The following VRK2 variants were observed in gnomAD, a reference collection of about 807,000 sequenced individuals.
The protein encoded by VRK2 is VRK serine/threonine kinase 2.
A neutral mutation model predicts 57.6 loss-of-function variants in VRK2; 60 were observed. The ratio of observed to expected loss-of-function variants is 1.04; its 90% CI spans 0.85 to 1.29. The LOEUF is 1.29. Among genes scored for constraint, VRK2 ranks in the 50% most tolerant of loss-of-function variants. The probability of loss-of-function intolerance (pLI) is 0.00; values close to 1 mark genes in which losing one functional copy is unlikely to be tolerated. For missense variants in VRK2, 705 were observed against 588.1 expected (o/e 1.20, Z -2.06); for synonymous variants, 231 against 199.2 (o/e 1.16, Z -1.35).
chr2:58,130,171 T>C (rs559512090), intron 8 of VRK2, among the ~76,000 whole-genome samples: 1 of 152,266 alleles, frequency 6.6e-6, no homozygotes, highest in South Asian at 2.1e-4. Flanking sequence ...TGATTATTTT[T>C]CCTCAAAGGG....
At chr2:58,060,069 C>G (rs115444938) in intron 2 of VRK2, among the ~76,000 whole-genome samples, 1 of 151,566 alleles carries the variant, frequency 6.6e-6, no homozygotes, top group African/African-American at 2.4e-5. Flanking sequence ...TTATGTAAAC[C>G]TTTTATCTTA....
At chr2:58,046,571 G>GTGGA, upstream of VRK2, 1 of 985,618 alleles carries the variant, frequency 1.0e-6, no homozygotes. Context: ...GCGGGCCAGG[G>GTGGA]TGGAGGTAGT....
intron 1 of VRK2, among the ~76,000 whole-genome samples, chr2:57,929,346 G>A (rs1255494677): frequency 6.6e-6 from 1 of 152,142 alleles, no homozygotes; most frequent in African/African-American, 2.4e-5. Flanking sequence ...ACTGCCTTAG[G>A]CCTATGGTGA....
At chr2:58,089,372 G>T (rs1672059744) in intron 6 of VRK2, among the ~76,000 whole-genome samples, 1 of 152,142 alleles carries the variant, frequency 6.6e-6, no homozygotes, top group African/African-American at 2.4e-5. Flanking sequence ...CAGGAATTAG[G>T]CATAAGCATT....
chr2:58,003,521 T>A (rs1056689701), intron 1 of VRK2, among the ~76,000 whole-genome samples: 1 of 152,158 alleles, frequency 6.6e-6, no homozygotes, highest in African/African-American at 2.4e-5. Context: ...AAATATAAGA[T>A]GCACAGTTAA....
chr2:57,937,339 A>G (rs569337748), intron 1 of VRK2, among the ~76,000 whole-genome samples: 1 of 152,286 alleles, frequency 6.6e-6, no homozygotes, highest in Admixed American at 6.5e-5. Context: ...CAATAATCCC[A>G]CTTTTCTTTC....
intron 1 of VRK2, among the ~76,000 whole-genome samples, chr2:57,949,322 T>G (rs1671354782): frequency 6.6e-6 from 1 of 152,192 alleles, no homozygotes; most frequent in Non-Finnish European, 1.5e-5. Flanking sequence ...GTGGCAACCC[T>G]GCATCGAGTA....
intron 7 of VRK2, among the ~76,000 whole-genome samples, chr2:58,109,645 C>G (rs1160894068): frequency 6.6e-6 from 1 of 152,170 alleles, no homozygotes; most frequent in East Asian, 1.9e-4. Flanking sequence ...GGAGAATTCA[C>G]TCACTATCAC....
chr2:58,076,159 C>T (rs1308963759), intron 2 of VRK2, among the ~76,000 whole-genome samples: 2 of 144,006 alleles, frequency 1.4e-5, no homozygotes, highest in Non-Finnish European at 3.0e-5. Flanking sequence ...AGTGGGAGAG[C>T]TACAGTTGAG....
chr2:57,967,210 A>G (rs1056787111), intron 1 of VRK2, among the ~76,000 whole-genome samples: 4 of 152,116 alleles, frequency 2.6e-5, no homozygotes, highest in African/African-American at 9.7e-5. Context: ...AACATCACAC[A>G]CTGGGGCCTG....
intron 7 of VRK2, among the ~76,000 whole-genome samples, chr2:58,121,717 T>C (rs987156212): frequency 3.3e-5 from 5 of 152,224 alleles, no homozygotes; most frequent in African/African-American, 1.2e-4. Flanking sequence ...AAAGTGCAGA[T>C]TGTATGGTAA....
At chr2:57,949,082 G>A (rs1671347102) in intron 1 of VRK2, among the ~76,000 whole-genome samples, 1 of 151,558 alleles carries the variant, frequency 6.6e-6, no homozygotes, top group East Asian at 1.9e-4. Context: ...GGGGACAGGG[G>A]GCGGGAATAG....
intron 1 of VRK2, among the ~76,000 whole-genome samples, chr2:58,008,434 CT>C (rs1419569599): frequency 1.3e-5 from 2 of 151,902 alleles, no homozygotes; most frequent in African/African-American, 4.8e-5. Context: ...ATAATAGCTA[CT>C]GTTTATTTAA....
chr2:58,114,351 A>G (rs563369829), intron 7 of VRK2, among the ~76,000 whole-genome samples: 50 of 151,948 alleles, frequency 3.3e-4, no homozygotes, highest in Admixed American at 3.3e-4. Context: ...CAGCAGTGTA[A>G]ACAAGAGCAG....
chr2:57,965,770 C>T (rs17049270), intron 1 of VRK2, among the ~76,000 whole-genome samples: 12,412 of 152,184 alleles, frequency 0.082, 576 homozygotes, highest in Middle Eastern at 0.095. Flanking sequence ...GAGGCTGAGT[C>T]CAGACCCCGA....
intron 1 of VRK2, among the ~76,000 whole-genome samples, chr2:57,962,544 G>A (rs777661460): frequency 2.0e-5 from 3 of 152,000 alleles, no homozygotes; most frequent in African/African-American, 4.8e-5. Context: ...GTATTTGATC[G>A]GTAGTTTTTC....
chr2:57,937,336 C>T (rs1258720045), intron 1 of VRK2, among the ~76,000 whole-genome samples: 1 of 152,092 alleles, frequency 6.6e-6, no homozygotes, highest in Non-Finnish European at 1.5e-5. Context: ...TTTCAATAAT[C>T]CCACTTTTCT....
chr2:58,154,819 A>AT, intron 12 of VRK2: 1 of 716,060 alleles, frequency 1.4e-6, no homozygotes, highest in South Asian at 1.5e-5. Context: ...ATTCCATGCT[A>AT]TAAGTGTCCT....
intron 1 of VRK2, among the ~76,000 whole-genome samples, chr2:57,994,730 G>C (rs557493639): frequency 6.6e-6 from 1 of 151,298 alleles, no homozygotes; most frequent in Non-Finnish European, 1.5e-5. Flanking sequence ...TTCAATATTT[G>C]CTATTTTACA....
Sources: allele counts gnomAD v4.1 joint callset (sites outside exome capture counted in the v4.1 genomes callset), GRCh38; gene constraint gnomAD v4.1.1; transcripts MANE v1.5; gene names NCBI Gene and HGNC (gene_info 2026-07-23, HGNC 2026-07-21).